Variants in COL5A2 observed in about 807,000 individuals in gnomAD.
The protein encoded by COL5A2 is collagen type V alpha 2 chain.
In COL5A2, 23 loss-of-function variants were observed where a neutral mutation model predicts 208.2. The observed-to-expected ratio is 0.11, with a 90% confidence interval of 0.08 to 0.16. The LOEUF is 0.16. Among genes scored for constraint, COL5A2 ranks in the 10% least tolerant of loss-of-function variants. The pLI is 1.00. For synonymous variants in COL5A2, 625 were observed against 628.5 expected (o/e 0.99, Z 0.08); for missense variants, 1,590 against 1,956.4 (o/e 0.81, Z 3.53).
chr2:189,209,744 AGAT>A (rs1410727648), intron 1 of COL5A2, among the ~76,000 whole-genome samples: 2 of 152,238 alleles, frequency 1.3e-5, no homozygotes, highest in Non-Finnish European at 2.9e-5. Flanking sequence ...TTGGCTGAGT[AGAT>A]GATGAAGCTT....
chr2:189,164,781 T>C (rs1006631650), intron 1 of COL5A2, among the ~76,000 whole-genome samples: 1 of 152,210 alleles, frequency 6.6e-6, no homozygotes, highest in African/African-American at 2.4e-5. Flanking sequence ...ATTATCTCTG[T>C]TTTGTAAATG....
At chr2:189,172,965 CTTCT>C (rs1484097058) in intron 1 of COL5A2, among the ~76,000 whole-genome samples, 3 of 120,192 alleles carry the variant, frequency 2.5e-5, no homozygotes, top group Non-Finnish European at 4.9e-5. Context: ...CATTTTTCCT[CTTCT>C]TTTTTTTTTT....
At chr2:189,248,168 T>C in the COL5A2 span, among the ~76,000 whole-genome samples, 202 of 152,350 alleles carry the variant, frequency 1.3e-3, no homozygotes, top group African/African-American at 4.5e-3. Context: ...TCTTTGATAA[T>C]AGCAATGTGC....
the COL5A2 span, among the ~76,000 whole-genome samples, chr2:189,366,895 A>T: frequency 6.6e-6 from 1 of 152,162 alleles, no homozygotes. Flanking sequence ...TCAGGCGAGA[A>T]ATGCTTGTCC....
the COL5A2 span, among the ~76,000 whole-genome samples, chr2:189,420,391 T>C: frequency 2.6e-5 from 4 of 152,152 alleles, no homozygotes; most frequent in Admixed American, 2.0e-4. Flanking sequence ...CCACAGTATT[T>C]TGGAGAGCCA....
intron 52 of COL5A2, among the ~76,000 whole-genome samples, chr2:189,035,919 C>A (rs1427221606): frequency 6.6e-6 from 1 of 152,004 alleles, no homozygotes; most frequent in Non-Finnish European, 1.5e-5. Context: ...AGACAGTTGT[C>A]TGAACACCAG....
Position 189,197,285 on chromosome 2 carries a change from G to T in COL5A2, c.-42+27863C>A, listed in dbSNP as rs186700071. On this transcript the variant is annotated intron_variant, in intron 1 of 10. Coordinates refer to the COL5A2 transcript ENST00000649966. Reference sequence around the variant, plus strand: ...CAACACACACCGGGGCCAGCCAGGGGGTTGGGGTGCGATGGGAGAGAGAGC... The same window carrying T: ...CAACACACACCGGGGCCAGCCAGGGTGTTGGGGTGCGATGGGAGAGAGAGC... 7.2e-4 allele frequency among the ~76,000 whole-genome samples: 103 copies of T among 142,540 alleles called. 3 individuals carry two copies. The highest frequency in any genetic ancestry group is 2.4e-4 in the Non-Finnish European group (15 of 63,528). The allele number at this position is 142,540 out of a possible 152,430, so 93.5% of individuals were successfully genotyped here.
intron 1 of COL5A2, among the ~76,000 whole-genome samples, chr2:189,115,798 G>A (rs1394997683): frequency 6.6e-6 from 1 of 152,186 alleles, no homozygotes; most frequent in Non-Finnish European, 1.5e-5. Flanking sequence ...ATGTGAATGA[G>A]GAAAGTAAGG....
At chr2:189,362,320 G>A in the COL5A2 span, among the ~76,000 whole-genome samples, 2 of 152,104 alleles carry the variant, frequency 1.3e-5, no homozygotes, top group African/African-American at 4.8e-5. Context: ...AGAATGCAGA[G>A]TATTGTAGAT....
chr2:189,101,362 G>A (rs888816729), intron 3 of COL5A2, among the ~76,000 whole-genome samples: 1 of 151,810 alleles, frequency 6.6e-6, no homozygotes, highest in African/African-American at 2.4e-5. Context: ...TCAACACCCC[G>A]GAGATAACCA....
At chr2:189,060,479 A>G (rs1005561400) in intron 31 of COL5A2, among the ~76,000 whole-genome samples, 1 of 152,252 alleles carries the variant, frequency 6.6e-6, no homozygotes, top group Non-Finnish European at 1.5e-5. Flanking sequence ...TTAAGAACAC[A>G]TCTTGGGAAG....
At chr2:189,411,133 T>C in the COL5A2 span, among the ~76,000 whole-genome samples, 1 of 152,162 alleles carries the variant, frequency 6.6e-6, no homozygotes, top group African/African-American at 2.4e-5. Flanking sequence ...ACTGCCTAGA[T>C]AAATTATCCT....
chr2:189,065,693 C>T (rs1031217624), intron 23 of COL5A2, among the ~76,000 whole-genome samples: 15 of 152,178 alleles, frequency 9.9e-5, no homozygotes, highest in African/African-American at 2.7e-4. Context: ...TTGTGAAACG[C>T]TTTGCATTCT....
the COL5A2 span, among the ~76,000 whole-genome samples, chr2:189,292,745 T>C: frequency 0.039 from 5,920 of 152,198 alleles, 128 homozygotes; most frequent in Admixed American, 0.052. Context: ...CCAGCCATCC[T>C]ATTACTGGGT....
chr2:189,225,502 A>G (rs1315848038), upstream of COL5A2, among the ~76,000 whole-genome samples: 1 of 152,056 alleles, frequency 6.6e-6, no homozygotes, highest in South Asian at 2.1e-4. Context: ...GGAAATCTGT[A>G]TTCAAATTTG....
chr2:189,381,638 T>G, the COL5A2 span, among the ~76,000 whole-genome samples: 21 of 151,904 alleles, frequency 1.4e-4, no homozygotes, highest in Non-Finnish European at 8.8e-5. Flanking sequence ...CAAAAGAGGG[T>G]AGTAGGTAGA....
intron 1 of COL5A2, among the ~76,000 whole-genome samples, chr2:189,188,270 T>A (rs575690097): frequency 5.8e-4 from 88 of 152,290 alleles, no homozygotes; most frequent in Admixed American, 8.5e-4. Context: ...TTCCCATCCC[T>A]GGCACCATTG....
At position 189,032,491 on chromosome 2, in the gene COL5A2, G is replaced by A. The variant is rs1685354813; in HGVS notation, c.*1579C>T. ...TGAAATAGATCTAATATGGTCAAAGGAATTTCACAAAACAAAAACCACTGA... is the reference window on the plus strand; with the variant it reads ...TGAAATAGATCTAATATGGTCAAAGAAATTTCACAAAACAAAAACCACTGA... On this transcript the variant is annotated 3_prime_UTR_variant, in exon 54 of 54. Transcript: ENST00000374866. 1.3e-5 allele frequency: 2 copies of A among 151,928 alleles called. No homozygotes were observed. Among genetic ancestry groups the A allele is most frequent in the South Asian group, 2.1e-4 (1 of 4,830 alleles). 9.4% of individuals were successfully genotyped at this position (151,928 alleles called of 1,614,324 possible). A position where few individuals can be genotyped will look rare whatever the true frequency, so the allele number is the denominator to read the frequency against.
intron 1 of COL5A2, among the ~76,000 whole-genome samples, chr2:189,204,253 T>C (rs1689116732): frequency 1.3e-5 from 2 of 152,226 alleles, no homozygotes; most frequent in Admixed American, 6.5e-5. Context: ...TAAATTATGC[T>C]ATTTTATAGA....
Sources: allele counts gnomAD v4.1 joint callset (sites outside exome capture counted in the v4.1 genomes callset), GRCh38; gene constraint gnomAD v4.1.1; transcripts MANE v1.5; gene names NCBI Gene and HGNC (gene_info 2026-07-23, HGNC 2026-07-21).